The following PPP2R2B variants were observed in gnomAD, a reference collection of about 807,000 sequenced individuals.
PPP2R2B encodes the protein serine/threonine-protein phosphatase 2A 55 kDa regulatory subunit B beta isoform.
A neutral mutation model predicts 46.0 loss-of-function variants in PPP2R2B; 5 were observed. That is an observed-to-expected ratio of 0.11 (90% CI 0.06 to 0.23). PPP2R2B has a LOEUF of 0.23. Ranked by LOEUF, PPP2R2B falls within the 10% of genes least tolerant of loss-of-function variation. PPP2R2B has a pLI of 1.00. For synonymous variants in PPP2R2B, 215 were observed against 206.7 expected (o/e 1.04, Z -0.34); for missense variants, 367 against 575.0 (o/e 0.64, Z 3.70).
chr5:147,015,035 G>T (rs1754933701), intron 1 of PPP2R2B, among the ~76,000 whole-genome samples: 1 of 151,950 alleles, frequency 6.6e-6, no homozygotes, highest in Non-Finnish European at 1.5e-5. Context: ...TTGGATAAGG[G>T]ATACTTAACC....
rs79562136 is a variant in PPP2R2B at position 146,789,911 on chromosome 5, C to A, written c.70+88091G>T. On this transcript the variant is annotated intron_variant, in intron 2 of 9. Coordinates refer to ENST00000394411, the MANE Select transcript of PPP2R2B (RefSeq NM_181675.4). ...TAGCAGATGGTCAGGCAGGCAGGGG[C>A]CAGATCAGGGAGACAGAGAACATAA... Among the ~76,000 whole-genome samples, 3 of 152,174 alleles carry A rather than the reference C, an allele frequency of 2.0e-5. No homozygotes were observed. The East Asian group carries it at 5.8e-4, about 29-fold the overall frequency.
intron 2 of PPP2R2B, among the ~76,000 whole-genome samples, chr5:146,818,372 C>T (rs1220115967): frequency 6.6e-6 from 1 of 151,572 alleles, no homozygotes; most frequent in Admixed American, 6.6e-5. Context: ...AAAAAAATCA[C>T]GAGGATTTTT....
chr5:146,866,446 C>T (rs1268007623), intron 2 of PPP2R2B, among the ~76,000 whole-genome samples: 4 of 152,164 alleles, frequency 2.6e-5, no homozygotes, highest in Non-Finnish European at 4.4e-5. Flanking sequence ...AAGTAGAAAT[C>T]TATTTTCTCT....
intron 4 of PPP2R2B, among the ~76,000 whole-genome samples, chr5:146,694,704 A>G (rs1023976110): frequency 1.3e-5 from 2 of 152,070 alleles, no homozygotes; most frequent in African/African-American, 4.8e-5. Context: ...TTTTTATTAT[A>G]CAAGCGATAC....
Position 146,933,095 on chromosome 5 carries a change from A to G in PPP2R2B, c.79+122570T>C, listed in dbSNP as rs1764019640. Among the ~76,000 whole-genome samples the G allele has an allele frequency of 2.0e-5, 3 of 152,160 alleles. No homozygotes were observed. The South Asian group carries it at 6.2e-4, about 32-fold the overall frequency. On this transcript the variant is annotated intron_variant, in intron 1 of 8. Coordinates refer to the PPP2R2B transcript ENST00000336640. ...TGTATTCAACCTTGGAATTGTAACT[A>G]ATTCTGTTTGCTCTTTGAGAAATTC...
At chr5:146,750,455 C>T (rs554039444) in intron 2 of PPP2R2B, among the ~76,000 whole-genome samples, 6 of 152,068 alleles carry the variant, frequency 3.9e-5, no homozygotes, top group African/African-American at 4.8e-5. Context: ...TATTTTAGGA[C>T]GAACTAGGGT....
chr5:146,652,972 T>C (rs932702850), intron 5 of PPP2R2B, among the ~76,000 whole-genome samples: 3 of 152,268 alleles, frequency 2.0e-5, no homozygotes, highest in African/African-American at 4.8e-5. Flanking sequence ...AGTTAAGGCA[T>C]TGCGATGGAT....
At chr5:146,784,423 C>T (rs1755717240) in intron 2 of PPP2R2B, among the ~76,000 whole-genome samples, 1 of 152,132 alleles carries the variant, frequency 6.6e-6, no homozygotes, top group African/African-American at 2.4e-5. Flanking sequence ...GCACTTATAA[C>T]ACTGATGGGA....
chr5:146,983,464 G>A (rs948464261), intron 1 of PPP2R2B, among the ~76,000 whole-genome samples: 1 of 152,180 alleles, frequency 6.6e-6, no homozygotes, highest in Non-Finnish European at 1.5e-5. Flanking sequence ...ATAGGCGTGA[G>A]CCACTGCACC....
intron 5 of PPP2R2B, among the ~76,000 whole-genome samples, chr5:146,658,039 C>A (rs971354880): frequency 6.6e-6 from 1 of 152,170 alleles, no homozygotes; most frequent in Non-Finnish European, 1.5e-5. Flanking sequence ...GAAGTTGCCA[C>A]ACAGAGTATC....
At chr5:147,079,460 A>ATATG (rs1354076005) in intron 2 of PPP2R2B, among the ~76,000 whole-genome samples, 4 of 144,904 alleles carry the variant, frequency 2.8e-5, no homozygotes, top group African/African-American at 5.0e-5. Flanking sequence ...ATATATATAT[A>ATATG]TATATATATA....
intron 2 of PPP2R2B, among the ~76,000 whole-genome samples, chr5:146,799,914 C>T (rs1165627346): frequency 2.0e-5 from 3 of 152,010 alleles, no homozygotes; most frequent in East Asian, 1.9e-4. Context: ...TGTATACTAA[C>T]GGCTGATGTC....
chr5:146,651,778 TAA>T (rs1775977253), intron 5 of PPP2R2B, among the ~76,000 whole-genome samples: 1 of 152,226 alleles, frequency 6.6e-6, no homozygotes, highest in African/African-American at 2.4e-5. Context: ...GGTGGTAGAT[TAA>T]GACTTCAACT....
chr5:146,892,707 T>C (rs1762526203), intron 1 of PPP2R2B, among the ~76,000 whole-genome samples: 1 of 152,200 alleles, frequency 6.6e-6, no homozygotes, highest in African/African-American at 2.4e-5. Flanking sequence ...ATCAGTGTTC[T>C]GGGAAAAGAG....
At chr5:146,710,969 C>A (rs1475414541) in intron 2 of PPP2R2B, among the ~76,000 whole-genome samples, 1 of 152,206 alleles carries the variant, frequency 6.6e-6, no homozygotes, top group East Asian at 1.9e-4. Flanking sequence ...TATTTTGGGA[C>A]TGGCTCAGGT....
chr5:146,632,221 G>A (rs549631600), intron 7 of PPP2R2B, among the ~76,000 whole-genome samples: 23 of 152,242 alleles, frequency 1.5e-4, no homozygotes, highest in Middle Eastern at 3.4e-3. Flanking sequence ...GAGGAATTTT[G>A]GACACAGACA....
intron 1 of PPP2R2B, among the ~76,000 whole-genome samples, chr5:146,998,077 A>G (rs1440715340): frequency 6.6e-6 from 1 of 152,246 alleles, no homozygotes; most frequent in Non-Finnish European, 1.5e-5. Flanking sequence ...AAGGCTCATT[A>G]TAGCAGAAAA....
intron 1 of PPP2R2B, among the ~76,000 whole-genome samples, chr5:146,947,776 C>T (rs1286461162): frequency 6.6e-6 from 1 of 151,752 alleles, no homozygotes; most frequent in Non-Finnish European, 1.5e-5. Flanking sequence ...TTCTTTGGAG[C>T]CGCTGTAAGT....
Position 146,878,286 on chromosome 5 carries a change from G to A in PPP2R2B, c.-124-91C>T. ...TCCACTCGGGTTCTGCGAGGCTGCG[G>A]CGGCTCCTCCCGCGCGGTGCGCTCA... On this transcript the variant is annotated intron_variant, in intron 1 of 9. Transcript: ENST00000394411. The surrounding 1 kb of genome is among the most constrained non-coding windows in gnomAD (Gnocchi z 4.5). The A allele has an allele frequency of 6.8e-7, 1 of 1,460,118 alleles. No homozygotes were observed. Among genetic ancestry groups the A allele is most frequent in the South Asian group, 1.4e-5 (1 of 70,226 alleles). The allele number at this position is 1,460,118 out of a possible 1,614,324, so 90.4% of individuals were successfully genotyped here.
Sources: allele counts gnomAD v4.1 joint callset (sites outside exome capture counted in the v4.1 genomes callset), GRCh38; gene constraint gnomAD v4.1.1; non-coding constraint Gnocchi (gnomAD v3.1); transcripts MANE v1.5; gene names NCBI Gene and HGNC (gene_info 2026-07-23, HGNC 2026-07-21).